DSP: variants seen among roughly 807,000 people sequenced by gnomAD.
DSP encodes the protein desmoplakin.
In DSP, 114 loss-of-function variants were observed where a neutral mutation model predicts 290.6. That is an observed-to-expected ratio of 0.39 (90% CI 0.34 to 0.46). The LOEUF is 0.46. Ranked by LOEUF, DSP falls within the 20% of genes least tolerant of loss-of-function variation. The pLI is 0.99. For synonymous variants in DSP, 1,311 were observed against 1,316.4 expected (o/e 1.00, Z 0.09); for missense variants, 3,230 against 3,495.8 (o/e 0.92, Z 1.92).
chr6:7,576,663 T>C (rs1312227339), intron 19 of DSP, among the ~76,000 whole-genome samples: 2 of 152,222 alleles, frequency 1.3e-5, no homozygotes, highest in African/African-American at 4.8e-5. Flanking sequence ...AGAAATAACG[T>C]GATATTGTTC....
chr6:7,567,728 G>A (rs1758905327), intron 9 of DSP, 53 bp from the exon 10 acceptor site: 2 of 1,612,154 alleles, frequency 1.2e-6, no homozygotes, highest in Non-Finnish European at 1.7e-6. Flanking sequence ...ACTACTAGAT[G>A]AAATTGCTCA....
intron 5 of DSP, 100 bp from the exon 6 acceptor site, chr6:7,563,636 C>A: frequency 1.1e-6 from 1 of 949,000 alleles, no homozygotes; most frequent in Non-Finnish European, 1.7e-6. Flanking sequence ...ATGGAGGGAT[C>A]TGAGGCCAGT....
At chr6:7,545,311 C>CG (rs1185210822) in intron 1 of DSP, among the ~76,000 whole-genome samples, 2 of 152,150 alleles carry the variant, frequency 1.3e-5, no homozygotes, top group Non-Finnish European at 2.9e-5. Flanking sequence ...AATTTTAGAG[C>CG]GGGGGGACCC....
intron 1 of DSP, among the ~76,000 whole-genome samples, chr6:7,553,951 TC>T (rs1758414752): frequency 6.6e-6 from 1 of 152,218 alleles, no homozygotes; most frequent in South Asian, 2.1e-4. Context: ...AGAAATGCTT[TC>T]CCATGGTGAG....
chr6:7,575,164 A>T, intron 17 of DSP, 131 bp from the exon 18 acceptor site: 2 of 858,544 alleles, frequency 2.3e-6, no homozygotes, highest in Non-Finnish European at 3.7e-6. Context: ...CCCTGGATTG[A>T]CTGTTAACAC....
intron 1 of DSP, 146 bp from the exon 2 acceptor site, chr6:7,555,572 C>A: frequency 1.4e-6 from 1 of 714,988 alleles, no homozygotes. Flanking sequence ...AAAAGAAACA[C>A]AACAAAATGT....
chr6:7,543,523 G>C (rs950633194), intron 1 of DSP, among the ~76,000 whole-genome samples: 2 of 150,798 alleles, frequency 1.3e-5, no homozygotes, highest in Middle Eastern at 3.2e-3. Context: ...ATGAAAACTT[G>C]GGTTTTCATT....
chr6:7,582,691 A>G lies in DSP; in HGVS notation c.5429A>G (p.Gln1810Arg). The change falls in exon 24 of 24, where the codon CAG becomes CGG. Residue 1810 changes from glutamine to arginine, a missense_variant. Around this residue, in one of 5 missense-constraint regions of DSP, gnomAD observed 1,714 missense variants for 1,844.5 expected, o/e 0.93. Transcript: ENST00000379802. This position sits in a 1 kb window ranked among gnomAD's most constrained non-coding sequence, Gnocchi z 4.2. ...AAGAATCAGTGTACTCAGGTGGTAC[A>G]GGAAAGAGAGAGCCTTCTGGTGAAA... The part of the protein sequence containing the change: ...ESKNQCTQVV[Q>R]ERESLLVKIK... The G allele has an allele frequency of 6.2e-7, 1 of 1,613,742 alleles. No individual in the cohort carries two copies.
chr6:7,567,634 A>G, intron 9 of DSP, 147 bp from the exon 10 acceptor site: 1 of 1,297,326 alleles, frequency 7.7e-7, no homozygotes, highest in Non-Finnish European at 1.1e-6. Flanking sequence ...TCCCGCTGCC[A>G]CATACCTAAA....
In DSP at chr6:7,565,710, C is replaced by T; in HGVS notation, c.939+190C>T. ...TGTGGAGGCCATTATCCTTAGCAAA[C>T]TTATGCGGGAACAGAAAACCAAATA... On this transcript the variant is annotated intron_variant, in intron 7 of 23. Transcript: ENST00000379802. The surrounding 1 kb of genome is among the most constrained non-coding windows in gnomAD (Gnocchi z 4.2). The T allele has an allele frequency of 1.5e-6, 1 of 687,382 alleles. No individual in the cohort carries two copies. The highest frequency in any genetic ancestry group is 1.8e-5 in the South Asian group (1 of 55,496). The allele number at this position is 687,382 out of a possible 1,614,324, so 42.6% of individuals were successfully genotyped here.
chr6:7,567,865 A>C lies in DSP; in HGVS notation c.1225A>C (p.Met409Leu). The C allele has an allele frequency of 6.2e-7, 1 of 1,614,090 alleles. No individual in the cohort carries two copies. Among genetic ancestry groups the C allele is most frequent in the Non-Finnish European group, 8.5e-7 (1 of 1,179,980 alleles). Residue 409 changes from methionine to leucine, a missense_variant, in exon 10 of 24, where the codon ATG becomes CTG. Coordinates refer to ENST00000379802, the MANE Select transcript of DSP (RefSeq NM_004415.4). Reference protein sequence around the residue: ...IRKKYPCDKNMPLQHLLEQIK... With the variant: ...IRKKYPCDKNLPLQHLLEQIK... ...GAAGAAGTACCCCTGCGACAAGAAC[A>C]TGCCCCTGCAGCACCTGCTGGAACA...
In DSP at chr6:7,560,113, G is replaced by T. The variant is rs1032962067; in HGVS notation, c.597+713G>T. 3.9e-5 allele frequency among the ~76,000 whole-genome samples: 6 copies of T among 152,214 alleles called. No individual in the cohort carries two copies. In the South Asian group the frequency reaches 8.3e-4, roughly 21 times the overall value. On this transcript the variant is annotated intron_variant, in intron 4 of 23. Transcript: ENST00000379802. ...GGTGGTAGAAATATGCCACAATCAT[G>T]TAGATGGGAATTTTATAATGAAAAC...
At chr6:7,551,363 C>T (rs1758337665) in intron 1 of DSP, among the ~76,000 whole-genome samples, 1 of 152,004 alleles carries the variant, frequency 6.6e-6, no homozygotes, top group South Asian at 2.1e-4. Flanking sequence ...GTGGTGCCTC[C>T]CATCTGTAAT....
chr6:7,580,271 A>C lies in DSP; in HGVS notation c.4081A>C (p.Ser1361Arg), dbSNP rs747326519. Residue 1361 changes from serine (S) to arginine (R), a missense_variant, in exon 23 of 24, where the codon AGC (serine) becomes CGC (arginine). By Grantham distance (110) the Ser-to-Arg change is moderately radical. Around this residue, in one of 5 missense-constraint regions of DSP, gnomAD observed 1,714 missense variants for 1,844.5 expected, o/e 0.93. Coordinates refer to ENST00000379802, the MANE Select transcript of DSP (RefSeq NM_004415.4). The surrounding 1 kb of genome is among the most constrained non-coding windows in gnomAD (Gnocchi z 4.2). Reference protein sequence around the residue: ...VRNNYDEEIISLKNQFETEIN... With the variant: ...VRNNYDEEIIRLKNQFETEIN... The stretch of plus-strand genomic sequence containing the variant: ...AAACAATTATGATGAGGAGATCATT[A>C]GCTTAAAAAATCAGTTTGAGACCGA... The C allele has an allele frequency of 4.8e-5, 78 of 1,613,140 alleles. No homozygotes were observed. Among genetic ancestry groups the C allele is most frequent in the Non-Finnish European group, 6.4e-5 (76 of 1,179,760 alleles).
intron 15 of DSP, among the ~76,000 whole-genome samples, chr6:7,572,287 A>C (rs1759079864): frequency 6.6e-6 from 1 of 152,214 alleles, no homozygotes; most frequent in South Asian, 2.1e-4. Flanking sequence ...GAATCAGGCT[A>C]CCGTCCATCT....
At chr6:7,545,556 C>G (rs1316725173) in intron 1 of DSP, among the ~76,000 whole-genome samples, 1 of 152,150 alleles carries the variant, frequency 6.6e-6, no homozygotes, top group Non-Finnish European at 1.5e-5. Flanking sequence ...CAAGTATTTA[C>G]CGAGCATTGA....
In DSP at chr6:7,585,503, C is replaced by A. The variant is rs748231845; in HGVS notation, c.8241C>A (p.Thr2747=). 1 of 1,614,070 alleles carries A rather than the reference C, an allele frequency of 6.2e-7. No homozygotes were observed. Among genetic ancestry groups the A allele is most frequent in the Non-Finnish European group, 8.5e-7 (1 of 1,180,024 alleles). The change falls in exon 24 of 24, where the codon ACC becomes ACA. Residue 2747 remains threonine, a synonymous_variant. Coordinates refer to ENST00000379802, the MANE Select transcript of DSP (RefSeq NM_004415.4). ...CGGAAGTGCATGGGAGGATAAGCAC[C>A]GAAGAAGCCATCCGGAAGGGGTTCA... The part of the protein sequence containing the change: ...VDPEVHGRIS[T]EEAIRKGFID...
At chr6:7,570,712 G>T (rs1190594350) in intron 13 of DSP, 149 bp downstream of exon 13, 5 of 1,122,728 alleles carry the variant, frequency 4.5e-6, no homozygotes, top group African/African-American at 1.5e-5. Context: ...AGAGGTTCTG[G>T]TCTGTCCAAT....
At chr6:7,548,231 C>T (rs558920235) in intron 1 of DSP, among the ~76,000 whole-genome samples, 15 of 151,688 alleles carry the variant, frequency 9.9e-5, no homozygotes, top group East Asian at 1.9e-4. Flanking sequence ...CATGCCACTG[C>T]ACTCCAGCCT....
Sources: gnomAD v4.1 joint callset for allele counts (sites outside exome capture counted in the v4.1 genomes callset) on GRCh38, gnomAD v4.1.1 for gene constraint, gnomAD v4.1.1 regional missense constraint, Gnocchi (gnomAD v3.1) non-coding constraint, MANE v1.5 for transcripts, NCBI Gene and HGNC (gene_info 2026-07-23, HGNC 2026-07-21) for gene names.